Variants in MTMR2 observed in about 807,000 individuals in gnomAD.
MTMR2 encodes the protein phosphatidylinositol-3,5-bisphosphate 3-phosphatase MTMR2.
In MTMR2, 55 loss-of-function variants were observed where a neutral mutation model predicts 86.9. That is an observed-to-expected ratio of 0.63 (90% confidence interval 0.51 to 0.79). The LOEUF is 0.79. Ranked by LOEUF, MTMR2 falls within the 30% of genes least tolerant of loss-of-function variation. The pLI, the probability that MTMR2 is intolerant of heterozygous loss-of-function variation, is 0.00. For missense variants in MTMR2, 659 were observed against 772.3 expected (o/e 0.85, Z 1.74); for synonymous variants, 241 against 266.8 (o/e 0.90, Z 0.94).
intron 12 of MTMR2, among the ~76,000 whole-genome samples, chr11:95,840,714 C>T (rs560230575): frequency 3.9e-5 from 6 of 152,146 alleles, no homozygotes; most frequent in African/African-American, 1.4e-4. Flanking sequence ...ATTATTTCAC[C>T]CCATTACCAT....
chr11:95,837,059 T>C (rs1288113217), intron 13 of MTMR2, among the ~76,000 whole-genome samples: 7 of 152,018 alleles, frequency 4.6e-5, no homozygotes. Flanking sequence ...TCTCAAAAAA[T>C]AAAACTCTTC....
At chr11:95,923,834 C>A in intron 1 of MTMR2, 41 bp downstream of exon 1, 1 of 1,538,324 alleles carries the variant, frequency 6.5e-7, no homozygotes, top group Non-Finnish European at 8.8e-7. Context: ...CCCTCTCCAT[C>A]CCCTTCGGAC....
chr11:95,857,131 GTTATAA>G (rs1864242224), intron 7 of MTMR2, among the ~76,000 whole-genome samples: 1 of 151,980 alleles, frequency 6.6e-6, no homozygotes, highest in African/African-American at 2.4e-5. Flanking sequence ...AATTAGAAAT[GTTATAA>G]TTAAAATGCT....
At chr11:95,852,417 T>C (rs958129392) in intron 7 of MTMR2, among the ~76,000 whole-genome samples, 1 of 152,232 alleles carries the variant, frequency 6.6e-6, no homozygotes, top group Non-Finnish European at 1.5e-5. Flanking sequence ...TAAAGAAGTA[T>C]TTCTCAAGCT....
chr11:95,884,670 G>A (rs1173324419), intron 2 of MTMR2, among the ~76,000 whole-genome samples: 1 of 152,066 alleles, frequency 6.6e-6, no homozygotes, highest in Non-Finnish European at 1.5e-5. Flanking sequence ...TTAATTGTTA[G>A]AAGCACATCC....
chr11:95,896,474 C>T (rs1865885593), intron 1 of MTMR2, among the ~76,000 whole-genome samples: 1 of 151,852 alleles, frequency 6.6e-6, no homozygotes, highest in African/African-American at 2.4e-5. Flanking sequence ...AGACACCATG[C>T]CTGTCTTGAT....
At chr11:95,891,411 A>T (rs1591027945) in intron 1 of MTMR2, among the ~76,000 whole-genome samples, 1 of 151,156 alleles carries the variant, frequency 6.6e-6, no homozygotes, top group South Asian at 2.1e-4. Context: ...AGATCATACC[A>T]CTGCACTCCA....
chr11:95,839,382 A>G (rs766862119), intron 12 of MTMR2, among the ~76,000 whole-genome samples: 37 of 152,070 alleles, frequency 2.4e-4, no homozygotes, highest in Non-Finnish European at 4.7e-4. Context: ...CAGCCCTATT[A>G]TTAGCGAAAT....
At chr11:95,859,464 C>G (rs1864326908) in intron 5 of MTMR2, among the ~76,000 whole-genome samples, 1 of 152,182 alleles carries the variant, frequency 6.6e-6, no homozygotes, top group Admixed American at 6.5e-5. Context: ...TATTCCAACA[C>G]TTTGGGTGGA....
At chr11:95,905,698 T>C (rs1404779230) in intron 1 of MTMR2, among the ~76,000 whole-genome samples, 1 of 152,136 alleles carries the variant, frequency 6.6e-6, no homozygotes, top group Non-Finnish European at 1.5e-5. Flanking sequence ...ACAGACTCAA[T>C]AAATATTTGT....
At chr11:95,853,932 T>TC (rs926029307) in intron 7 of MTMR2, among the ~76,000 whole-genome samples, 1 of 151,914 alleles carries the variant, frequency 6.6e-6, no homozygotes, top group East Asian at 1.9e-4. Context: ...TAATGTACCA[T>TC]CCCCCAACCC....
intron 1 of MTMR2, among the ~76,000 whole-genome samples, chr11:95,897,320 C>T (rs990606628): frequency 4.6e-5 from 7 of 152,042 alleles, no homozygotes; most frequent in Non-Finnish European, 7.4e-5. Context: ...TTTTTATACA[C>T]ACACGATGCA....
chr11:95,849,384 C>T lies in MTMR2; in HGVS notation c.993+290G>A, dbSNP rs970622989. On this transcript the variant is annotated intron_variant, in intron 9 of 14. Transcript: ENST00000346299. ...GTGGGAAGCTAAGAATAACTGAACA[C>T]CTAGTTATTATGTAAGTAAGCAAAA... 5.9e-5 allele frequency among the ~76,000 whole-genome samples: 9 copies of T among 152,072 alleles called. 1 individual carries two copies. Among genetic ancestry groups the T allele is most frequent in the Admixed American group, 5.9e-4 (9 of 15,270 alleles).
chr11:95,840,778 C>G (rs1313079224), intron 12 of MTMR2, among the ~76,000 whole-genome samples: 1 of 152,050 alleles, frequency 6.6e-6, no homozygotes, highest in Non-Finnish European at 1.5e-5. Flanking sequence ...AAATATGCTC[C>G]TAAATAAATA....
At position 95,882,889 on chromosome 11, in the gene MTMR2, ATTTTTTTTTTTTTTT is replaced by A. The variant is rs776661875; in HGVS notation, c.186+5252_186+5266del. ...AGGCGCCCGCCACCACATCCAGCTA[ATTTTTTTTTTTTTTT>A]TTTTTTTTTTTTTTTTGTATTTTTA... On this transcript the variant is annotated intron_variant, in intron 2 of 14. Transcript: ENST00000346299. 1.1e-4 allele frequency among the ~76,000 whole-genome samples: 8 copies of A among 76,076 alleles called. No individual in the cohort carries two copies. In the South Asian group the frequency reaches 2.6e-3, roughly 25 times the overall value. The allele number at this position is 76,076 out of a possible 152,430, so 49.9% of individuals were successfully genotyped here.
chr11:95,898,088 CA>C (rs1865940371), intron 1 of MTMR2, among the ~76,000 whole-genome samples: 1 of 152,018 alleles, frequency 6.6e-6, no homozygotes, highest in African/African-American at 2.4e-5. Flanking sequence ...GGTTTTTGTT[CA>C]CAAGTCTCTT....
intron 6 of MTMR2, 94 bp downstream of exon 6, chr11:95,858,437 T>A (rs188138710): frequency 1.2e-6 from 1 of 829,110 alleles, no homozygotes; most frequent in Non-Finnish European, 2.1e-6. Flanking sequence ...AAAGCAGGGA[T>A]GTAAATGTAG....
intron 1 of MTMR2, among the ~76,000 whole-genome samples, chr11:95,908,727 T>C (rs182911958): frequency 6.6e-6 from 1 of 152,090 alleles, no homozygotes; most frequent in African/African-American, 2.4e-5. Flanking sequence ...AGCTGACAAA[T>C]GCAAGCATTG....
chr11:95,883,757 G>A (rs1364804742), intron 2 of MTMR2, among the ~76,000 whole-genome samples: 2 of 152,146 alleles, frequency 1.3e-5, no homozygotes, highest in Non-Finnish European at 2.9e-5. Context: ...TGATGCAGAG[G>A]CAACAAATCT....
Sources: gnomAD v4.1 joint callset for allele counts (sites outside exome capture counted in the v4.1 genomes callset) on GRCh38, gnomAD v4.1.1 for gene constraint, MANE v1.5 for transcripts, NCBI Gene and HGNC (gene_info 2026-07-23, HGNC 2026-07-21) for gene names.